Variants in NDUFA8 observed in about 807,000 individuals in gnomAD.
The protein encoded by NDUFA8 is NADH:ubiquinone oxidoreductase subunit A8.
In NDUFA8, 16 loss-of-function variants were observed where a neutral mutation model predicts 20.9. The observed-to-expected ratio is 0.77, with a 90% CI of 0.52 to 1.16. NDUFA8 has a LOEUF of 1.16. NDUFA8 is among the 50% of genes most tolerant of loss of function. NDUFA8 has a pLI of 0.00. For missense variants in NDUFA8, 202 were observed against 216.4 expected (o/e 0.93, Z 0.42); for synonymous variants, 70 against 76.1 (o/e 0.92, Z 0.41).
intron 1 of NDUFA8, among the ~76,000 whole-genome samples, chr9:122,154,041 G>A (rs1829041574): frequency 6.6e-6 from 1 of 152,130 alleles, no homozygotes; most frequent in African/African-American, 2.4e-5. Context: ...CAATTACACT[G>A]GGGTCATTAA....
chr9:122,135,758 T>G, the NDUFA8 span, among the ~76,000 whole-genome samples: 1 of 152,092 alleles, frequency 6.6e-6, no homozygotes, highest in Non-Finnish European at 1.5e-5. Context: ...CCCAGCTAAT[T>G]TTTTCATTTC....
At position 122,144,193 on chromosome 9, in the gene NDUFA8, T is replaced by G. The variant is rs767807797; in HGVS notation, c.*48A>C. ...GATGCAAACCGCATGGGCGTTTTCA[T>G]CAGTCGTTGTCTGAGCACATGACCG... On this transcript the variant is annotated 3_prime_UTR_variant, in exon 4 of 4. Transcript: ENST00000373768. The G allele has an allele frequency of 1.9e-6, 3 of 1,612,496 alleles. No homozygotes were observed. The highest frequency in any genetic ancestry group is 2.5e-6 in the Non-Finnish European group (3 of 1,179,914).
intron 1 of NDUFA8, among the ~76,000 whole-genome samples, chr9:122,156,201 G>A (rs1342789987): frequency 6.6e-6 from 1 of 152,118 alleles, no homozygotes; most frequent in Admixed American, 6.5e-5. Flanking sequence ...AATTCATTCA[G>A]ATCTCTTTGT....
chr9:122,158,619 G>T (rs936901217), intron 1 of NDUFA8, among the ~76,000 whole-genome samples: 2 of 151,724 alleles, frequency 1.3e-5, no homozygotes, highest in Non-Finnish European at 2.9e-5. Context: ...TACTCTCGGG[G>T]ACTAATTCCT....
At position 122,159,729 on chromosome 9, in the gene NDUFA8, T is replaced by C. The variant is rs767773124; in HGVS notation, c.-52A>G. 4 of 1,613,054 alleles carry C rather than the reference T, an allele frequency of 2.5e-6. No individual in the cohort carries two copies. The highest frequency in any genetic ancestry group is 2.7e-5 in the African/African-American group (2 of 74,860). ...GAAGCCCTCAGCCGCGTCGCCCCCG[T>C]CTCCTTGAACTCCCCTTTCGACCGC... is the stretch of plus-strand genomic sequence containing the variant. On this transcript the variant is annotated 5_prime_UTR_variant, in exon 1 of 4. Coordinates refer to ENST00000373768, the MANE Select transcript of NDUFA8 (RefSeq NM_014222.3).
the NDUFA8 span, among the ~76,000 whole-genome samples, chr9:122,137,714 C>T: frequency 2.0e-5 from 3 of 152,148 alleles, no homozygotes; most frequent in African/African-American, 4.8e-5. Context: ...TTCAAGAAAA[C>T]ATGAAAACTC....
intron 1 of NDUFA8, among the ~76,000 whole-genome samples, chr9:122,158,194 T>C (rs1395906509): frequency 6.6e-6 from 1 of 152,054 alleles, no homozygotes; most frequent in African/African-American, 2.4e-5. Flanking sequence ...TAGTGCCGGG[T>C]ATATCATTGC....
intron 3 of NDUFA8, 66 bp from the exon 4 acceptor site, chr9:122,144,444 T>C (rs3818638): frequency 0.75 from 1,119,941 of 1,498,066 alleles, 422,053 homozygotes; most frequent in African/African-American, 0.83. Flanking sequence ...TAACCATCAA[T>C]GCGCCTCCTG....
chr9:122,155,356 G>C (rs2118716363), intron 1 of NDUFA8, among the ~76,000 whole-genome samples: 1 of 152,372 alleles, frequency 6.6e-6, no homozygotes, highest in African/African-American at 2.4e-5. Flanking sequence ...TGGGATTATA[G>C]GCGTGGGCCA....
chr9:122,138,457 G>T, the NDUFA8 span, among the ~76,000 whole-genome samples: 2 of 152,062 alleles, frequency 1.3e-5, no homozygotes, highest in Non-Finnish European at 2.9e-5. Context: ...AAAGCAAAAA[G>T]CTTGCAAGTC....
At chr9:122,139,569 T>C (rs1415319738), downstream of NDUFA8, among the ~76,000 whole-genome samples, 1 of 152,212 alleles carries the variant, frequency 6.6e-6, no homozygotes, top group African/African-American at 2.4e-5. Context: ...TTAATGTGTT[T>C]CCAGAGTTCT....
Position 122,159,722 on chromosome 9 carries a change from G to A in NDUFA8, c.-45C>T, listed in dbSNP as rs371849015. On this transcript the variant is annotated 5_prime_UTR_variant, in exon 1 of 4. The change creates a premature stop within an existing upstream ORF in the 5' untranslated region. Transcript: ENST00000373768. The stretch of plus-strand genomic sequence containing the variant: ...CCGACGAGAAGCCCTCAGCCGCGTC[G>A]CCCCCGTCTCCTTGAACTCCCCTTT... 1.9e-5 allele frequency: 30 copies of A among 1,613,276 alleles called. No homozygotes were observed. The highest frequency in any genetic ancestry group is 5.3e-5 in the African/African-American group (4 of 74,914).
downstream of NDUFA8, among the ~76,000 whole-genome samples, chr9:122,141,993 C>T (rs1353760996): frequency 6.6e-6 from 1 of 152,110 alleles, no homozygotes; most frequent in African/African-American, 2.4e-5. Flanking sequence ...GTTCAAGACG[C>T]GTTGCTCTGG....
At chr9:122,154,148 A>C (rs977873442) in intron 1 of NDUFA8, among the ~76,000 whole-genome samples, 1 of 152,240 alleles carries the variant, frequency 6.6e-6, no homozygotes, top group African/African-American at 2.4e-5. Flanking sequence ...ACAGAGATCC[A>C]CTACTGTAAA....
intron 2 of NDUFA8, among the ~76,000 whole-genome samples, chr9:122,150,720 A>G (rs1367150457): frequency 1.3e-5 from 2 of 152,142 alleles, no homozygotes; most frequent in Admixed American, 1.3e-4. Context: ...CTGCAATCCC[A>G]GCACTTTGGG....
rs771554749 is a variant in NDUFA8, at chr9:122,144,135, G to A, written c.*106C>T. 5.8e-5 allele frequency: 92 copies of A among 1,587,440 alleles called. No homozygotes were observed. The highest frequency in any genetic ancestry group is 7.7e-5 in the Non-Finnish European group (90 of 1,166,832). ...CACATAAGTTAACTTTTTTGTTAAT[G>A]TTTGTGATCCCGGAAAGAACACACT... On this transcript the variant is annotated 3_prime_UTR_variant, in exon 4 of 4. Transcript: ENST00000373768.
chr9:122,132,981 AG>A, the NDUFA8 span: 52 of 456,014 alleles, frequency 1.1e-4, no homozygotes, highest in Admixed American at 9.6e-4. Flanking sequence ...ACCCCTAGCG[AG>A]GGAAAAGGCA....
chr9:122,138,124 G>A, the NDUFA8 span, among the ~76,000 whole-genome samples: 34 of 152,258 alleles, frequency 2.2e-4, no homozygotes, highest in Admixed American at 1.6e-3. Flanking sequence ...CCTTAGTTTT[G>A]GAGAGCAAGG....
At chr9:122,142,630 G>C (rs1433615356), downstream of NDUFA8, among the ~76,000 whole-genome samples, 1 of 152,084 alleles carries the variant, frequency 6.6e-6, no homozygotes, top group African/African-American at 2.4e-5. Flanking sequence ...TTAACCTCTC[G>C]CTAAACTTTA....
Sources: allele counts gnomAD v4.1 joint callset (sites outside exome capture counted in the v4.1 genomes callset), GRCh38; gene constraint gnomAD v4.1.1; transcripts MANE v1.5; gene names NCBI Gene and HGNC (gene_info 2026-07-23, HGNC 2026-07-21).